The following NFASC variants were observed in gnomAD, a reference collection of about 807,000 sequenced individuals.
NFASC encodes the protein neurofascin.
A neutral mutation model predicts 147.5 loss-of-function variants in NFASC; 43 were observed. The observed-to-expected ratio is 0.29, with a 90% CI of 0.23 to 0.38. NFASC has a LOEUF of 0.38. Among genes scored for constraint, NFASC ranks in the 10% least tolerant of loss-of-function variants. The probability of loss-of-function intolerance (pLI) is 1.00; values close to 1 mark genes in which losing one functional copy is unlikely to be tolerated. For synonymous variants in NFASC, 622 were observed against 665.5 expected, an observed-to-expected ratio of 0.93 and a Z score of 1.01; for missense variants, 1,320 against 1,689.0, an observed-to-expected ratio of 0.78 and a Z score of 3.83.
At chr1:205,009,322 T>G in intron 27 of NFASC, 2 of 662,618 alleles carry the variant, frequency 3.0e-6, no homozygotes, top group Non-Finnish European at 2.8e-6. Flanking sequence ...CTTCTGCTTA[T>G]TTGCTCCTTG....
At chr1:205,012,532 G>T (rs926281340) in intron 28 of NFASC, among the ~76,000 whole-genome samples, 4 of 152,136 alleles carry the variant, frequency 2.6e-5, no homozygotes, top group East Asian at 1.9e-4. Flanking sequence ...GAGATGTGGT[G>T]GGGGGAGCTT....
intron 26 of NFASC, among the ~76,000 whole-genome samples, chr1:205,001,749 TC>T (rs941014999): frequency 3.3e-5 from 5 of 152,184 alleles, no homozygotes; most frequent in African/African-American, 9.7e-5. Context: ...GAGCCATTTG[TC>T]CCAGCTGGTG....
chr1:204,969,354 A>G (rs1046148401), intron 10 of NFASC, among the ~76,000 whole-genome samples: 1 of 152,034 alleles, frequency 6.6e-6, no homozygotes, highest in Non-Finnish European at 1.5e-5. Context: ...CTGTGTACCT[A>G]TGCATGATGC....
chr1:204,927,176 A>G (rs1336346372), intron 2 of NFASC, among the ~76,000 whole-genome samples: 5 of 152,086 alleles, frequency 3.3e-5, no homozygotes, highest in Non-Finnish European at 7.4e-5. Flanking sequence ...GGATTTTAGG[A>G]CATTTTTATC....
At chr1:204,993,885 A>T in intron 24 of NFASC, 1 of 450,998 alleles carries the variant, frequency 2.2e-6, no homozygotes, top group South Asian at 1.6e-5. Context: ...ATCTCCTTAG[A>T]CCTGAGCAGT....
chr1:204,948,499 C>T (rs2093924130), intron 3 of NFASC: 2 of 462,754 alleles, frequency 4.3e-6, no homozygotes, highest in Non-Finnish European at 4.3e-6. Context: ...TCTCACTCAC[C>T]CTTCTCCAGA....
intron 1 of NFASC, among the ~76,000 whole-genome samples, chr1:204,904,916 A>G (rs1438886588): frequency 1.3e-5 from 2 of 151,906 alleles, no homozygotes; most frequent in Non-Finnish European, 2.9e-5. Flanking sequence ...ACTTATTTAT[A>G]ATAATATAAT....
Position 204,954,062 on chromosome 1 carries a change from G to T in NFASC, c.216-126G>T. 1 of 765,390 alleles carries T rather than the reference G, an allele frequency of 1.3e-6. No homozygotes were observed. Among genetic ancestry groups the T allele is most frequent in the Non-Finnish European group, 2.2e-6 (1 of 455,242 alleles). The allele number at this position is 765,390 out of a possible 1,614,324, so 47.4% of individuals were successfully genotyped here. ...AGCCAGGCTGAGACCTGTTGGTATG[G>T]GGTGCCACGATGGGACTGAGAGAGG... On this transcript the variant is annotated intron_variant, in intron 5 of 29. Coordinates refer to ENST00000339876, the MANE Select transcript of NFASC (RefSeq NM_001005388.3). This position sits in a 1 kb window ranked among gnomAD's most constrained non-coding sequence, Gnocchi z 5.7.
At chr1:204,898,348 C>T (rs1446316223) in intron 1 of NFASC, among the ~76,000 whole-genome samples, 1 of 152,166 alleles carries the variant, frequency 6.6e-6, no homozygotes, top group African/African-American at 2.4e-5. Context: ...TAATAAAACC[C>T]ATGAGAACCC....
At chr1:205,012,929 T>TCC in intron 29 of NFASC, 63 bp downstream of exon 29, 1 of 1,197,270 alleles carries the variant, frequency 8.4e-7, no homozygotes, top group East Asian at 2.3e-5. Flanking sequence ...GGCACCACCC[T>TCC]CCCCTCAGAG....
chr1:204,865,330 G>GTC (rs1321622981), intron 1 of NFASC, among the ~76,000 whole-genome samples: 1 of 152,070 alleles, frequency 6.6e-6, no homozygotes, highest in South Asian at 2.1e-4. Context: ...TGTGAATGTA[G>GTC]TCTCTCTCTC....
chr1:204,989,433 T>A (rs2095675484), intron 23 of NFASC: 1 of 153,112 alleles, frequency 6.5e-6, no homozygotes, highest in South Asian at 2.0e-4. Flanking sequence ...GGTCCAGGCG[T>A]CATCTGGCAG....
intron 25 of NFASC, chr1:204,999,581 T>C (rs1461975493): frequency 6.6e-6 from 1 of 152,164 alleles, no homozygotes; most frequent in East Asian, 1.9e-4. Flanking sequence ...GCCAGTACAA[T>C]TGAAGCGTCT....
Position 204,953,794 on chromosome 1 carries a change from A to C in NFASC, c.216-394A>C, listed in dbSNP as rs115960938. On this transcript the variant is annotated intron_variant, in intron 5 of 29. Coordinates refer to ENST00000339876, the MANE Select transcript of NFASC (RefSeq NM_001005388.3). Reference sequence around the variant, plus strand: ...GAATTCAAGTTTGCATTCCTAGTAGAAGGTTGGAAATGTCCTGGGGTGGAA... The same window carrying C: ...GAATTCAAGTTTGCATTCCTAGTAGCAGGTTGGAAATGTCCTGGGGTGGAA... 5.5e-4 allele frequency among the ~76,000 whole-genome samples: 83 copies of C among 152,290 alleles called. 1 individual carries two copies. Among genetic ancestry groups the C allele is most frequent in the African/African-American group, 1.8e-3 (73 of 41,552 alleles).
At chr1:204,934,278 G>A (rs985734538) in intron 2 of NFASC, among the ~76,000 whole-genome samples, 1 of 152,128 alleles carries the variant, frequency 6.6e-6, no homozygotes, top group Non-Finnish European at 1.5e-5. Flanking sequence ...GCTGGGGCTG[G>A]TCCAGGTAGA....
Position 205,018,934 on chromosome 1 carries a change from T to A in NFASC, c.*2395T>A, listed in dbSNP as rs142505469. On this transcript the variant is annotated 3_prime_UTR_variant, in exon 30 of 30. Coordinates refer to ENST00000339876, the MANE Select transcript of NFASC (RefSeq NM_001005388.3). ...GAGAAGTAAGCCCGCAGCCTGCCTCTGCACCTCGTTCCAGTGTCCTGCCAG... is the reference window on the plus strand; with the variant it reads ...GAGAAGTAAGCCCGCAGCCTGCCTCAGCACCTCGTTCCAGTGTCCTGCCAG... 6.6e-6 allele frequency: 1 copy of A among 152,306 alleles called. No individual in the cohort carries two copies. Among genetic ancestry groups the A allele is most frequent in the Non-Finnish European group, 1.5e-5 (1 of 68,098 alleles). 9.4% of individuals were successfully genotyped at this position (152,306 alleles called of 1,614,324 possible).
intron 10 of NFASC, among the ~76,000 whole-genome samples, chr1:204,970,308 T>C (rs945724107): frequency 1.3e-5 from 2 of 152,128 alleles, no homozygotes; most frequent in Non-Finnish European, 2.9e-5. Flanking sequence ...GATTCTGATT[T>C]AGTAGGTCTG....
Position 205,018,310 on chromosome 1 carries a change from C to A in NFASC, c.*1771C>A, listed in dbSNP as rs2096377504. ...TGCCAGCCAGGGGGCCTGGGCCAGACCAGGGCTCTGTCCTTCCGTGACTTT... is the reference window on the plus strand; with the variant it reads ...TGCCAGCCAGGGGGCCTGGGCCAGAACAGGGCTCTGTCCTTCCGTGACTTT... On this transcript the variant is annotated 3_prime_UTR_variant, in exon 30 of 30. Transcript: ENST00000339876. 6.6e-6 allele frequency: 1 copy of A among 152,518 alleles called. No homozygotes were observed. The highest frequency in any genetic ancestry group is 2.4e-5 in the African/African-American group (1 of 41,474). 9.4% of individuals were successfully genotyped at this position (152,518 alleles called of 1,614,324 possible).
intron 1 of NFASC, among the ~76,000 whole-genome samples, chr1:204,888,688 T>A (rs188074197): frequency 2.6e-5 from 4 of 152,358 alleles, no homozygotes; most frequent in African/African-American, 9.6e-5. Flanking sequence ...AAGGAGGCAG[T>A]ATGCCAGGTC....
Sources: gnomAD v4.1 joint callset for allele counts (sites outside exome capture counted in the v4.1 genomes callset) on GRCh38, gnomAD v4.1.1 for gene constraint, Gnocchi (gnomAD v3.1) non-coding constraint, MANE v1.5 for transcripts, NCBI Gene and HGNC (gene_info 2026-07-23, HGNC 2026-07-21) for gene names.